The following PRELID2 variants were observed in gnomAD, a reference collection of about 807,000 sequenced individuals.
PRELID2 encodes the protein PRELI domain-containing protein 2.
PRELID2 carries 25 observed loss-of-function variants against 28.4 expected under a neutral mutation model. That is an observed-to-expected ratio of 0.88 (90% CI 0.64 to 1.23). The LOEUF is 1.23. PRELID2 is among the 50% of genes most tolerant of loss of function. The pLI, the probability that PRELID2 is intolerant of heterozygous loss-of-function variation, is 0.00. For synonymous variants in PRELID2, 76 were observed against 71.6 expected, an observed-to-expected ratio of 1.06 and a Z score of -0.31; for missense variants, 201 against 214.4, an observed-to-expected ratio of 0.94 and a Z score of 0.39.
chr5:145,377,230 T>G, the PRELID2 span, among the ~76,000 whole-genome samples: 1 of 152,220 alleles, frequency 6.6e-6, no homozygotes, highest in Non-Finnish European at 1.5e-5. Flanking sequence ...ATTTCTAGTT[T>G]AATTGCACTG....
At chr5:145,371,124 G>T in the PRELID2 span, among the ~76,000 whole-genome samples, 4 of 151,958 alleles carry the variant, frequency 2.6e-5, no homozygotes, top group Admixed American at 1.3e-4. Context: ...TTGCCTGATT[G>T]CTCTGGCCAG....
the PRELID2 span, among the ~76,000 whole-genome samples, chr5:145,242,011 A>T: frequency 1.1e-4 from 16 of 152,022 alleles, no homozygotes; most frequent in Non-Finnish European, 1.5e-5. Context: ...CATACCAAAC[A>T]GGAATATATT....
chr5:145,619,112 C>T (rs1441363427), intron 1 of PRELID2, among the ~76,000 whole-genome samples: 1 of 152,170 alleles, frequency 6.6e-6, no homozygotes, highest in East Asian at 1.9e-4. Flanking sequence ...ACCCGCCTCC[C>T]AGCTGTGAAA....
intron 1 of PRELID2, among the ~76,000 whole-genome samples, chr5:145,564,977 C>A (rs1269534818): frequency 6.6e-6 from 1 of 152,200 alleles, no homozygotes; most frequent in Non-Finnish European, 1.5e-5. Flanking sequence ...CCTCCGTGGG[C>A]TGCACCCACT....
chr5:145,600,500 C>A (rs979523072), intron 1 of PRELID2, among the ~76,000 whole-genome samples: 2 of 148,708 alleles, frequency 1.3e-5, no homozygotes, highest in African/African-American at 5.1e-5. Flanking sequence ...GACCCAGTAG[C>A]AAGGTAGAAA....
chr5:145,797,439 G>T (rs1752836737), intron 4 of PRELID2, among the ~76,000 whole-genome samples: 1 of 152,090 alleles, frequency 6.6e-6, no homozygotes, highest in Non-Finnish European at 1.5e-5. Context: ...TCCCTCAGTA[G>T]GGATAGAAAA....
intron 1 of PRELID2, among the ~76,000 whole-genome samples, chr5:145,480,022 A>T (rs1245486959): frequency 2.0e-5 from 3 of 152,180 alleles, no homozygotes; most frequent in Non-Finnish European, 2.9e-5. Context: ...CAGCTTTTTA[A>T]CTATAAAATC....
intron 1 of PRELID2, among the ~76,000 whole-genome samples, chr5:145,700,645 C>T (rs1045021661): frequency 2.0e-5 from 3 of 152,108 alleles, no homozygotes; most frequent in Non-Finnish European, 4.4e-5. Context: ...GTCCTTGCTG[C>T]CCACCACAGG....
chr5:145,238,604 T>C, the PRELID2 span, among the ~76,000 whole-genome samples: 1 of 152,128 alleles, frequency 6.6e-6, no homozygotes, highest in African/African-American at 2.4e-5. Flanking sequence ...AATGTTTTTT[T>C]CTTGACTTTT....
chr5:145,494,214 T>C (rs1226649826), intron 1 of PRELID2, among the ~76,000 whole-genome samples: 1 of 152,188 alleles, frequency 6.6e-6, no homozygotes, highest in Non-Finnish European at 1.5e-5. Flanking sequence ...ATTTTCCTAA[T>C]CCAAAGACTA....
At chr5:145,264,923 A>C in the PRELID2 span, among the ~76,000 whole-genome samples, 1 of 149,484 alleles carries the variant, frequency 6.7e-6, no homozygotes, top group African/African-American at 2.5e-5. Context: ...GCAGTGAGTC[A>C]AGATCATGCC....
At chr5:145,379,082 T>G in the PRELID2 span, among the ~76,000 whole-genome samples, 1 of 152,216 alleles carries the variant, frequency 6.6e-6, no homozygotes, top group African/African-American at 2.4e-5. Context: ...TGGAAGATTT[T>G]AGGGGGCCAA....
At chr5:145,480,210 T>C (rs145977826) in intron 1 of PRELID2, among the ~76,000 whole-genome samples, 24 of 152,334 alleles carry the variant, frequency 1.6e-4, no homozygotes, top group African/African-American at 5.8e-4. Flanking sequence ...CTTAAGCATC[T>C]AATGACTTAC....
intron 1 of PRELID2, among the ~76,000 whole-genome samples, chr5:145,718,298 A>C (rs1755896050): frequency 6.6e-6 from 1 of 151,932 alleles, no homozygotes. Flanking sequence ...TAATTAGAAA[A>C]TATAATAAAA....
At position 145,816,076 on chromosome 5, in the gene PRELID2, C is replaced by CTTTT. The variant is rs1191298938; in HGVS notation, c.368+1814_368+1817dup. Among the ~76,000 whole-genome samples, 124 of 89,042 alleles carry CTTTT rather than the reference C, an allele frequency of 1.4e-3. 9 individuals carry two copies. Among genetic ancestry groups the CTTTT allele is most frequent in the Middle Eastern group, 7.1e-3 (1 of 140 alleles). The allele number at this position is 89,042 out of a possible 152,430, so 58.4% of individuals were successfully genotyped here. The stretch of plus-strand genomic sequence containing the variant: ...ACAACCAATCCTTGTTATTGTGTGT[C>CTTTT]TTTTTTTTTTTTTTTTTTTTTTTTT... On this transcript the variant is annotated intron_variant, in intron 4 of 6. Transcript: ENST00000683046.
the PRELID2 span, among the ~76,000 whole-genome samples, chr5:145,454,071 ACT>A: frequency 6.6e-6 from 1 of 151,992 alleles, no homozygotes; most frequent in East Asian, 1.9e-4. Context: ...ACTAATGTAC[ACT>A]CTGACCAACT....
intron 1 of PRELID2, among the ~76,000 whole-genome samples, chr5:145,675,137 G>GA (rs1383078972): frequency 2.0e-5 from 3 of 151,536 alleles, no homozygotes; most frequent in Admixed American, 2.0e-4. Flanking sequence ...TTTAAACCCA[G>GA]AAAAAAACAC....
chr5:145,422,970 T>G, the PRELID2 span, among the ~76,000 whole-genome samples: 4 of 150,112 alleles, frequency 2.7e-5, no homozygotes, highest in Admixed American at 1.3e-4. Context: ...GTCTGTAAAG[T>G]ATTTTATTTC....
chr5:145,648,866 T>G (rs1200762080), intron 1 of PRELID2, among the ~76,000 whole-genome samples: 1 of 151,302 alleles, frequency 6.6e-6, no homozygotes, highest in Non-Finnish European at 1.5e-5. Context: ...TTTCATCGTG[T>G]TTTGTCTTTT....
Sources: allele counts gnomAD v4.1 joint callset (sites outside exome capture counted in the v4.1 genomes callset), GRCh38; gene constraint gnomAD v4.1.1; transcripts MANE v1.5; gene names NCBI Gene and HGNC (gene_info 2026-07-23, HGNC 2026-07-21).